DIAPH3: variants seen among roughly 807,000 people sequenced by gnomAD.
DIAPH3 encodes protein diaphanous homolog 3.
In DIAPH3, 117 loss-of-function variants were observed where a neutral mutation model predicts 144.3. That is an observed-to-expected ratio of 0.81 (90% CI 0.70 to 0.95). The LOEUF (loss-of-function observed/expected upper bound fraction) is 0.95, where lower values mean the gene tolerates loss of function less well. DIAPH3 is among the 40% of genes least tolerant of loss of function. DIAPH3 has a pLI of 0.00. For missense variants in DIAPH3, 1,421 were observed against 1,412.7 expected, an observed-to-expected ratio of 1.01 and a Z score of -0.09; for synonymous variants, 519 against 488.9, an observed-to-expected ratio of 1.06 and a Z score of -0.81.
chr13:59,866,890 A>G (rs974571400), intron 21 of DIAPH3, among the ~76,000 whole-genome samples: 1 of 151,858 alleles, frequency 6.6e-6, no homozygotes, highest in African/African-American at 2.4e-5. Context: ...AATTGCTCAG[A>G]CAGAAAGCTC....
At chr13:59,994,806 G>T (rs1168116634) in intron 9 of DIAPH3, among the ~76,000 whole-genome samples, 1 of 151,808 alleles carries the variant, frequency 6.6e-6, no homozygotes, top group African/African-American at 2.4e-5. Context: ...CAAGAAATGA[G>T]GTTGAACAAG....
intron 17 of DIAPH3, among the ~76,000 whole-genome samples, chr13:59,956,437 C>T (rs1429201961): frequency 4.6e-5 from 7 of 152,320 alleles, no homozygotes; most frequent in Middle Eastern, 3.4e-3. Flanking sequence ...CAAGCCTTGG[C>T]GGCTTACACA....
intron 27 of DIAPH3, among the ~76,000 whole-genome samples, chr13:59,727,553 C>T (rs1375062307): frequency 6.6e-6 from 1 of 152,110 alleles, no homozygotes; most frequent in Non-Finnish European, 1.5e-5. Context: ...AAGTTCCTCG[C>T]CTATGTGTGC....
chr13:59,681,489 A>T (rs1203191816), intron 27 of DIAPH3, among the ~76,000 whole-genome samples: 3 of 152,164 alleles, frequency 2.0e-5, no homozygotes, highest in Non-Finnish European at 4.4e-5. Context: ...AAACAAAAAG[A>T]TTAAAAAAAA....
chr13:59,992,271 C>T (rs2051874423), intron 10 of DIAPH3, 85 bp from the exon 11 acceptor site: 6 of 1,183,646 alleles, frequency 5.1e-6, no homozygotes, highest in African/African-American at 1.5e-5. Flanking sequence ...AATAAACCAA[C>T]CATTCAACTT....
chr13:59,993,710 A>AAAAAAAAAC (rs2051993471), intron 9 of DIAPH3, among the ~76,000 whole-genome samples: 1 of 149,694 alleles, frequency 6.7e-6, no homozygotes, highest in Non-Finnish European at 1.5e-5. Flanking sequence ...CTTAAAAAAA[A>AAAAAAAAAC]AAAAAAAAAA....
chr13:59,773,600 G>A (rs2038232859), intron 27 of DIAPH3, among the ~76,000 whole-genome samples: 1 of 152,168 alleles, frequency 6.6e-6, no homozygotes, highest in South Asian at 2.1e-4. Context: ...ACCCTGAACA[G>A]AGCAGAGAGT....
intron 22 of DIAPH3, among the ~76,000 whole-genome samples, chr13:59,842,059 A>G (rs1202941252): frequency 6.6e-6 from 1 of 152,138 alleles, no homozygotes; most frequent in African/African-American, 2.4e-5. Flanking sequence ...AAATAAACAG[A>G]TATAATTTTC....
chr13:59,952,215 A>T (rs182294032), intron 17 of DIAPH3, among the ~76,000 whole-genome samples: 1 of 152,146 alleles, frequency 6.6e-6, no homozygotes, highest in Non-Finnish European at 1.5e-5. Flanking sequence ...ATAGGCAGAA[A>T]ACAGATTGGT....
chr13:59,994,390 C>T lies in DIAPH3; in HGVS notation c.1015-1807G>A, dbSNP rs544505835. Among the ~76,000 whole-genome samples the T allele has an allele frequency of 1.1e-4, 16 of 151,976 alleles. 1 individual carries two copies. The South Asian group carries it at 3.1e-3, about 30-fold the overall frequency. ...AATGAGATACATACCTGCGGTATCA[C>T]ACAATTTCACAATAATTTAGCATAC... On this transcript the variant is annotated intron_variant, in intron 9 of 27. Coordinates refer to ENST00000400324, the MANE Select transcript of DIAPH3 (RefSeq NM_001042517.2).
At chr13:60,103,494 C>T (rs1243717368) in intron 3 of DIAPH3, among the ~76,000 whole-genome samples, 1 of 152,104 alleles carries the variant, frequency 6.6e-6, no homozygotes, top group African/African-American at 2.4e-5. Flanking sequence ...AGGAAAAACA[C>T]TACAGACAGG....
intron 4 of DIAPH3, among the ~76,000 whole-genome samples, chr13:60,072,123 A>G (rs576372198): frequency 6.6e-6 from 1 of 152,236 alleles, no homozygotes; most frequent in African/African-American, 2.4e-5. Context: ...GCTCTTACAA[A>G]TGACCATCAG....
At chr13:59,878,306 C>T (rs2140047186) in intron 21 of DIAPH3, among the ~76,000 whole-genome samples, 1 of 152,218 alleles carries the variant, frequency 6.6e-6, no homozygotes, top group East Asian at 1.9e-4. Flanking sequence ...GAAACACTCA[C>T]AAGGCATTGA....
chr13:59,882,691 T>C (rs1445850398), intron 20 of DIAPH3, among the ~76,000 whole-genome samples: 1 of 152,106 alleles, frequency 6.6e-6, no homozygotes, highest in African/African-American at 2.4e-5. Flanking sequence ...AAATGAACAA[T>C]AAACATAAAA....
chr13:59,918,951 A>G (rs954479901), intron 18 of DIAPH3, among the ~76,000 whole-genome samples: 6 of 151,804 alleles, frequency 4.0e-5, no homozygotes, highest in African/African-American at 1.5e-4. Flanking sequence ...ATACAAAAAA[A>G]AAAAAAAAAA....
chr13:59,797,204 C>T (rs767646175), intron 25 of DIAPH3, among the ~76,000 whole-genome samples: 18 of 152,072 alleles, frequency 1.2e-4, no homozygotes, highest in Admixed American at 5.9e-4. Context: ...TTTTGTTCTC[C>T]TTATAAGTTG....
At chr13:59,775,535 C>A (rs1294409523) in intron 25 of DIAPH3, among the ~76,000 whole-genome samples, 2 of 152,224 alleles carry the variant, frequency 1.3e-5, no homozygotes, top group African/African-American at 2.4e-5. Flanking sequence ...AGCCACTGCA[C>A]ACGGCCCGGG....
chr13:59,959,309 A>T (rs1251600669), intron 17 of DIAPH3, among the ~76,000 whole-genome samples: 4 of 152,242 alleles, frequency 2.6e-5, no homozygotes, highest in African/African-American at 9.6e-5. Context: ...ATGTTCATTT[A>T]ACTGTGAAAT....
intron 4 of DIAPH3, among the ~76,000 whole-genome samples, chr13:60,066,759 T>C (rs904555558): frequency 6.6e-6 from 1 of 152,246 alleles, no homozygotes; most frequent in African/African-American, 2.4e-5. Flanking sequence ...ATATGAATTT[T>C]AAACTGCTTA....
Sources: allele counts gnomAD v4.1 joint callset (sites outside exome capture counted in the v4.1 genomes callset), GRCh38; gene constraint gnomAD v4.1.1; transcripts MANE v1.5; gene names NCBI Gene and HGNC (gene_info 2026-07-23, HGNC 2026-07-21).